Variants in CSMD3 observed in about 807,000 individuals in gnomAD.
CSMD3 encodes the protein CUB and sushi domain-containing protein 3.
CSMD3 carries 177 observed loss-of-function variants against 435.2 expected under a neutral mutation model. The observed-to-expected ratio is 0.41, with a 90% CI of 0.36 to 0.46. The LOEUF is 0.46. CSMD3 is among the 20% of genes least tolerant of loss of function. The pLI is 0.34. For missense variants in CSMD3, 4,265 were observed against 4,504.6 expected, an observed-to-expected ratio of 0.95 and a Z score of 1.52; for synonymous variants, 1,656 against 1,520.5, an observed-to-expected ratio of 1.09 and a Z score of -2.07.
chr8:112,839,586 G>A (rs956136090), intron 11 of CSMD3, among the ~76,000 whole-genome samples: 8 of 151,682 alleles, frequency 5.3e-5, no homozygotes, highest in African/African-American at 1.9e-4. Context: ...ATTTGTATAA[G>A]TTAGGTCGTA....
chr8:112,385,325 G>A (rs1262016466), intron 36 of CSMD3, among the ~76,000 whole-genome samples: 1 of 152,066 alleles, frequency 6.6e-6, no homozygotes, highest in Non-Finnish European at 1.5e-5. Flanking sequence ...AATTAAATTA[G>A]TTAATTCATA....
At chr8:112,716,986 T>C (rs1347349556) in intron 13 of CSMD3, among the ~76,000 whole-genome samples, 2 of 152,064 alleles carry the variant, frequency 1.3e-5, no homozygotes, top group African/African-American at 4.8e-5. Flanking sequence ...ACCTAGGCAA[T>C]ACCATTCAGG....
chr8:112,820,890 G>A (rs1429252903), intron 12 of CSMD3, among the ~76,000 whole-genome samples: 2 of 152,218 alleles, frequency 1.3e-5, no homozygotes. Flanking sequence ...ACTTATGAGT[G>A]AGAACATGCA....
intron 3 of CSMD3, among the ~76,000 whole-genome samples, chr8:113,182,788 C>G (rs145497112): frequency 6.6e-6 from 1 of 152,006 alleles, no homozygotes; most frequent in Non-Finnish European, 1.5e-5. Context: ...TTAGAGGCTA[C>G]TGAGTTGAAT....
chr8:112,942,081 C>G (rs1397010846), intron 9 of CSMD3, among the ~76,000 whole-genome samples: 1 of 151,344 alleles, frequency 6.6e-6, no homozygotes, highest in African/African-American at 2.4e-5. Flanking sequence ...TTATATGTCC[C>G]CTGTGCACCC....
chr8:113,234,142 T>G (rs761861491), intron 3 of CSMD3, among the ~76,000 whole-genome samples: 5 of 152,096 alleles, frequency 3.3e-5, no homozygotes, highest in Non-Finnish European at 4.4e-5. Context: ...TCAGAAGACA[T>G]GCAGAAATGT....
At chr8:112,894,232 T>C (rs1452469916) in intron 10 of CSMD3, among the ~76,000 whole-genome samples, 1 of 151,488 alleles carries the variant, frequency 6.6e-6, no homozygotes, top group East Asian at 2.0e-4. Context: ...GAGATTCATT[T>C]GTATCAGCAT....
In CSMD3 at chr8:112,920,997, GCACACACACACA is replaced by G. The variant is rs747366512; in HGVS notation, c.1633+618_1633+629del. The stretch of plus-strand genomic sequence containing the variant: ...TATATGTACACACATACGCGCGCGC[GCACACACACACA>G]CACACACACACACACACACACACAC... On this transcript the variant is annotated intron_variant, in intron 10 of 70. Transcript: ENST00000297405. Among the ~76,000 whole-genome samples, 629 of 114,970 alleles carry G rather than the reference GCACACACACACA, an allele frequency of 5.5e-3. 5 individuals are homozygous for G. Among genetic ancestry groups the G allele is most frequent in the African/African-American group, 0.018 (596 of 33,446 alleles). 75.4% of individuals were successfully genotyped at this position (114,970 alleles called of 152,430 possible).
chr8:112,845,197 A>G (rs1312055997), intron 11 of CSMD3, among the ~76,000 whole-genome samples: 1 of 151,834 alleles, frequency 6.6e-6, no homozygotes, highest in East Asian at 1.9e-4. Context: ...CATTTGAAAA[A>G]CTCCCACATG....
At chr8:112,943,962 C>G (rs1191074735) in intron 9 of CSMD3, among the ~76,000 whole-genome samples, 1 of 151,562 alleles carries the variant, frequency 6.6e-6, no homozygotes, top group Non-Finnish European at 1.5e-5. Flanking sequence ...TTGCACAATC[C>G]TTTTTATGTT....
At position 113,420,254 on chromosome 8, in the gene CSMD3, C is replaced by CA. The variant is rs1262742179; in HGVS notation, c.178+16422dup. On this transcript the variant is annotated intron_variant, in intron 1 of 70. Transcript: ENST00000297405. ...CACAATGTTTTCAAATTAGAAATAA[C>CA]AAAAAATATATAATTGTCAAATAAA... Among the ~76,000 whole-genome samples the CA allele has an allele frequency of 2.6e-5, 4 of 151,792 alleles. No individual in the cohort carries two copies. The East Asian group carries it at 7.7e-4, about 29-fold the overall frequency.
chr8:113,375,701 G>C (rs1028781349), intron 1 of CSMD3, among the ~76,000 whole-genome samples: 2 of 152,074 alleles, frequency 1.3e-5, no homozygotes, highest in African/African-American at 4.8e-5. Flanking sequence ...ATTAGTATTA[G>C]CGGGATTTGA....
intron 59 of CSMD3, among the ~76,000 whole-genome samples, chr8:112,266,599 T>C (rs914585534): frequency 6.6e-6 from 1 of 152,224 alleles, no homozygotes; most frequent in Admixed American, 6.5e-5. Flanking sequence ...TGAGATCCTA[T>C]GAGTTGCACT....
intron 22 of CSMD3, among the ~76,000 whole-genome samples, chr8:112,605,674 C>G (rs1832735976): frequency 6.6e-6 from 1 of 151,582 alleles, no homozygotes; most frequent in Non-Finnish European, 1.5e-5. Flanking sequence ...AAAAAACTAC[C>G]TATTAGGTAC....
At chr8:112,693,206 G>A (rs542187371) in intron 13 of CSMD3, among the ~76,000 whole-genome samples, 2 of 152,084 alleles carry the variant, frequency 1.3e-5, no homozygotes, top group Admixed American at 6.6e-5. Context: ...AACAAATAAT[G>A]TCTTATTTTA....
intron 30 of CSMD3, among the ~76,000 whole-genome samples, chr8:112,497,464 T>G (rs903767070): frequency 2.4e-4 from 32 of 135,540 alleles, no homozygotes; most frequent in African/African-American, 9.3e-4. Flanking sequence ...TATCAAAATA[T>G]CTCATGTACT....
chr8:113,236,276 T>A (rs573088959), intron 3 of CSMD3, among the ~76,000 whole-genome samples: 1 of 152,258 alleles, frequency 6.6e-6, no homozygotes, highest in African/African-American at 2.4e-5. Context: ...AAAAAGAGAT[T>A]CCCCTTAAGG....
At chr8:112,401,812 GA>G (rs1357457600) in intron 35 of CSMD3, among the ~76,000 whole-genome samples, 1 of 152,132 alleles carries the variant, frequency 6.6e-6, no homozygotes, top group African/African-American at 2.4e-5. Flanking sequence ...TCCTAAATTA[GA>G]GTTGGAAAGA....
At chr8:112,259,430 G>T (rs1816171197) in intron 61 of CSMD3, among the ~76,000 whole-genome samples, 1 of 152,046 alleles carries the variant, frequency 6.6e-6, no homozygotes, top group African/African-American at 2.4e-5. Context: ...TCACACACTG[G>T]GGCCTGTCAG....
Sources: allele counts gnomAD v4.1 joint callset (sites outside exome capture counted in the v4.1 genomes callset), GRCh38; gene constraint gnomAD v4.1.1; transcripts MANE v1.5; gene names NCBI Gene and HGNC (gene_info 2026-07-23, HGNC 2026-07-21).